Variants in BCORL1 observed in about 807,000 individuals in gnomAD.
BCORL1 encodes the protein BCL6 corepressor like 1, also known as BCL-6 corepressor-like protein 1.
In BCORL1, 7 loss-of-function variants were observed where a neutral mutation model predicts 87.6. The ratio of observed to expected loss-of-function variants is 0.08; its 90% CI spans 0.05 to 0.15. The LOEUF (loss-of-function observed/expected upper bound fraction) is 0.15. BCORL1 is among the 10% of genes least tolerant of loss of function. BCORL1 has a pLI of 1.00. For missense variants in BCORL1, 1,215 were observed against 1,499.7 expected, an observed-to-expected ratio of 0.81 and a Z score of 3.13; for synonymous variants, 591 against 634.4, an observed-to-expected ratio of 0.93 and a Z score of 1.03.
chrX:130,031,040 C>T (rs754034502), intron 8 of BCORL1, among the ~76,000 whole-genome samples: 1 of 112,781 alleles, frequency 8.9e-6, no homozygotes, highest in Non-Finnish European at 1.9e-5. Context: ...GGCTCAGAGC[C>T]AGGGGGAAGG....
chrX:129,995,630 G>A (rs912362089), intron 1 of BCORL1, among the ~76,000 whole-genome samples: 6 of 109,893 alleles, frequency 5.5e-5, no homozygotes, highest in African/African-American at 2.0e-4. Flanking sequence ...AGTAGAGATG[G>A]GGTTTCGGCA....
chrX:130,022,877 C>G lies in BCORL1; in HGVS notation c.3608-20C>G. On this transcript the variant is annotated intron_variant, in intron 5 of 13. Transcript: ENST00000540052. ...TTGTAACATTTCTGCCTTCTGTCCC[C>G]AAACCACACATCACTCCAGGTTCCT... The G allele has an allele frequency of 8.3e-7, 1 of 1,199,616 alleles. No individual in the cohort carries two copies. Among genetic ancestry groups the G allele is most frequent in the African/African-American group, 1.7e-5 (1 of 57,610 alleles).
chrX:130,033,859 G>A (rs970016659), intron 8 of BCORL1, among the ~76,000 whole-genome samples: 1 of 110,793 alleles, frequency 9.0e-6, no homozygotes, highest in African/African-American at 3.3e-5. Context: ...GCGCATACCT[G>A]TAATCCCAGC....
chrX:129,991,518 T>G (rs1413622082), intron 1 of BCORL1, among the ~76,000 whole-genome samples: 1 of 108,947 alleles, frequency 9.2e-6, no homozygotes, highest in Non-Finnish European at 1.9e-5. Flanking sequence ...TTATTTTTAT[T>G]TTTAGTAGAG....
At chrX:130,018,247 A>C (rs1363019449) in intron 4 of BCORL1, among the ~76,000 whole-genome samples, 1 of 112,237 alleles carries the variant, frequency 8.9e-6, no homozygotes, top group East Asian at 2.8e-4. Context: ...ATGATGATAT[A>C]AAATGTCCAC....
chrX:130,055,772 T>C, intron 13 of BCORL1, 82 bp from the exon 14 acceptor site: 1 of 1,009,045 alleles, frequency 9.9e-7, no homozygotes, highest in Non-Finnish European at 1.4e-6. Context: ...GCAGCCTTTG[T>C]GGGCTTTGCA....
chrX:130,002,780 T>G (rs1471090859), intron 1 of BCORL1, among the ~76,000 whole-genome samples: 4 of 82,624 alleles, frequency 4.8e-5, no homozygotes, highest in Admixed American at 1.4e-4. Flanking sequence ...GGAGGAAGAG[T>G]AAAGAGAGAG....
At chrX:129,990,229 A>T (rs764502066) in intron 1 of BCORL1, among the ~76,000 whole-genome samples, 280 of 110,103 alleles carry the variant, frequency 2.5e-3, no homozygotes, top group South Asian at 6.9e-3. Flanking sequence ...TTATATATAT[A>T]TTTTTTTCTT....
chrX:130,009,465 G>GAAA (rs58485210), intron 2 of BCORL1, among the ~76,000 whole-genome samples: 2 of 50,928 alleles, frequency 3.9e-5, no homozygotes, highest in African/African-American at 1.1e-4. Context: ...CTAAAAGAAA[G>GAAA]AAAAAAAAAA....
intron 1 of BCORL1, among the ~76,000 whole-genome samples, chrX:129,999,097 G>T (rs1927798726): frequency 1.0e-5 from 1 of 98,518 alleles, no homozygotes; most frequent in Admixed American, 1.2e-4. Flanking sequence ...TCTTTATCTA[G>T]GTGATGTTGT....
chrX:129,990,253 A>G (rs947724187), intron 1 of BCORL1, among the ~76,000 whole-genome samples: 4 of 110,539 alleles, frequency 3.6e-5, no homozygotes, highest in African/African-American at 1.3e-4. Flanking sequence ...CTTTTTTGAG[A>G]TGGAGTCTCG....
chrX:130,056,214 C>A lies in BCORL1; in HGVS notation c.*78C>A. ...ACCTCCTTGTCTTTCCCCGACCGAG[C>A]ACCAGACTGCAGAATGAGGCAATAA... On this transcript the variant is annotated 3_prime_UTR_variant, in exon 14 of 14. Coordinates refer to ENST00000540052, the MANE Select transcript of BCORL1 (RefSeq NM_001379451.1). 2.0e-6 allele frequency: 2 copies of A among 996,196 alleles called. No individual in the cohort carries two copies. Among genetic ancestry groups the A allele is most frequent in the Non-Finnish European group, 2.7e-6 (2 of 749,609 alleles). 82.1% of individuals were successfully genotyped at this position (996,196 alleles called of 1,213,427 possible).
At chrX:129,997,293 C>G (rs1307723714) in intron 1 of BCORL1, among the ~76,000 whole-genome samples, 1 of 111,173 alleles carries the variant, frequency 9.0e-6, no homozygotes, top group Non-Finnish European at 1.9e-5. Flanking sequence ...TTCAGTTTGG[C>G]CCATGATGGT....
At position 130,016,187 on chromosome X, in the gene BCORL1, G is replaced by T. The variant is rs775294671; in HGVS notation, c.3415G>T (p.Val1139Leu). The T allele has an allele frequency of 8.3e-7, 1 of 1,202,787 alleles. No homozygotes were observed. The highest frequency in any genetic ancestry group is 1.1e-6 in the Non-Finnish European group (1 of 891,605). The change falls in exon 4 of 14, where the codon GTG becomes TTG. Residue 1139 changes from valine (V) to leucine (L), a missense_variant. By Grantham distance (32) the Val-to-Leu change is conservative. Transcript: ENST00000540052. ...EQQLQPQAKA[V>L]VRSSHRPKCR... ...GCAGCTCCAGCCACAAGCCAAGGCC[G>T]TGGTCCGGAGTTCCCACAGACCCAA... is the stretch of plus-strand genomic sequence containing the variant.
intron 7 of BCORL1, among the ~76,000 whole-genome samples, chrX:130,027,358 A>G (rs1224439081): frequency 8.9e-6 from 1 of 112,871 alleles, no homozygotes; most frequent in Non-Finnish European, 1.9e-5. Context: ...ATGGGGCCCC[A>G]CTAGCGGGCT....
chrX:130,045,468 T>A (rs1338133201), intron 11 of BCORL1, among the ~76,000 whole-genome samples: 1 of 111,128 alleles, frequency 9.0e-6, no homozygotes, highest in African/African-American at 3.3e-5. Flanking sequence ...ATCTTTCAAG[T>A]CCCTCAGCTG....
chrX:130,001,195 A>C (rs1199228889), intron 1 of BCORL1, among the ~76,000 whole-genome samples: 1 of 111,053 alleles, frequency 9.0e-6, no homozygotes, highest in South Asian at 3.8e-4. Flanking sequence ...GGTTCAAGCA[A>C]TTCTCCTGCC....
chrX:130,043,774 ATATATATATATTTTT>A (rs1260553694), intron 11 of BCORL1, among the ~76,000 whole-genome samples: 2 of 20,158 alleles, frequency 9.9e-5, no homozygotes, highest in Admixed American at 8.0e-4. Context: ...ATATATATAT[ATATATATATATTTTT>A]TTTTTTTTTT....
At chrX:130,053,738 G>A (rs1932205403) in intron 13 of BCORL1, among the ~76,000 whole-genome samples, 1 of 112,080 alleles carries the variant, frequency 8.9e-6, no homozygotes, top group African/African-American at 3.2e-5. Context: ...GAAGTTGGGG[G>A]TGGGGGTGCT....
Sources: gnomAD v4.1 joint callset for allele counts (sites outside exome capture counted in the v4.1 genomes callset) on GRCh38, gnomAD v4.1.1 for gene constraint, MANE v1.5 for transcripts, NCBI Gene and HGNC (gene_info 2026-07-23, HGNC 2026-07-21) for gene names.